Variants in LRRC71 observed in about 807,000 individuals in gnomAD.
LRRC71 encodes the protein leucine-rich repeat-containing protein 71.
In LRRC71, 54 loss-of-function variants were observed where a neutral mutation model predicts 66.6. That is an observed-to-expected ratio of 0.81 (90% CI 0.65 to 1.02). The LOEUF (loss-of-function observed/expected upper bound fraction) is 1.02. Ranked by LOEUF, LRRC71 falls within the 50% of genes least tolerant of loss-of-function variation. LRRC71 has a pLI of 0.00. For synonymous variants in LRRC71, 323 were observed against 303.9 expected, an observed-to-expected ratio of 1.06 and a Z score of -0.65; for missense variants, 724 against 718.0, an observed-to-expected ratio of 1.01 and a Z score of -0.10.
At chr1:156,927,441 G>A (rs1653376206) in intron 6 of LRRC71, 55 bp from the exon 7 acceptor site, 2 of 1,520,196 alleles carry the variant, frequency 1.3e-6, no homozygotes, top group East Asian at 2.3e-5. Flanking sequence ...CCCATATTCC[G>A]GCGGACGCCC....
intron 11 of LRRC71, among the ~76,000 whole-genome samples, chr1:156,930,064 C>A (rs868012601): frequency 1.0e-5 from 1 of 95,558 alleles, no homozygotes; most frequent in Non-Finnish European, 2.1e-5. Flanking sequence ...CTTTCTTTTT[C>A]TTTCTTTCTT....
At chr1:156,938,627 T>C in the LRRC71 span, 3 of 913,610 alleles carry the variant, frequency 3.3e-6, no homozygotes, top group African/African-American at 3.4e-5. Flanking sequence ...GAGGAGAAAA[T>C]GGGAAGAACA....
chr1:156,932,733 T>G, intron 14 of LRRC71, 120 bp from the exon 15 acceptor site: 2 of 1,502,406 alleles, frequency 1.3e-6, no homozygotes, highest in Non-Finnish European at 1.8e-6. Flanking sequence ...TTAATCACTC[T>G]GCTTTTTCTG....
At chr1:156,936,035 T>G (rs774194883), downstream of LRRC71, 2 of 1,613,990 alleles carry the variant, frequency 1.2e-6, no homozygotes, top group South Asian at 2.2e-5. Flanking sequence ...TCTGCTGTGC[T>G]GTCTTCCAGG....
At position 156,928,013 on chromosome 1, in the gene LRRC71, C is replaced by T. The variant is rs1250556952; in HGVS notation, c.996+9C>T. 5.7e-6 allele frequency: 9 copies of T among 1,584,590 alleles called. No homozygotes were observed. The highest frequency in any genetic ancestry group is 7.7e-6 in the Non-Finnish European group (9 of 1,167,156). Reference sequence around the variant, plus strand: ...AGGAGCGCTCGCGATCGGTGAGGAGCTACCAGGCCCCAGGACCAGCCGAGA... The same window carrying T: ...AGGAGCGCTCGCGATCGGTGAGGAGTTACCAGGCCCCAGGACCAGCCGAGA... On this transcript the variant is annotated intron_variant, in intron 9 of 14. Coordinates refer to ENST00000337428, the MANE Select transcript of LRRC71 (RefSeq NM_144702.3).
rs763012031 is a variant in LRRC71 at position 156,927,649 on chromosome 1, C to A, written c.816C>A (p.Ile272=). 6.2e-7 allele frequency: 1 copy of A among 1,606,550 alleles called. No individual in the cohort carries two copies. The highest frequency in any genetic ancestry group is 1.1e-5 in the South Asian group (1 of 90,482). ...TCGGTGACGAGGGCGCAGGCTACAT[C>A]GCGGACGTGAGTGCACGGCGGGGAG... The part of the protein sequence containing the change: ...NHIGDEGAGY[I]ADGLRLNRSL... Residue 272 remains isoleucine (I), a synonymous_variant, in exon 7 of 15, where the codon ATC becomes ATA. Transcript: ENST00000337428.
In LRRC71 at chr1:156,927,800, C is replaced by A. The variant is rs781069230; in HGVS notation, c.890C>A (p.Ala297Asp). ...CACAACCGCATCCAGGACAAGGGCGCCCTGAAGCTGGCTGAGGTGGGTGTG... is the reference window on the plus strand; with the variant it reads ...CACAACCGCATCCAGGACAAGGGCGACCTGAAGCTGGCTGAGGTGGGTGTG... ...LAHNRIQDKG[A>D]LKLAEVLRAF... Residue 297 changes from alanine to aspartate, a missense_variant, in exon 8 of 15, where the codon GCC becomes GAC. Ala to Asp is a moderately radical substitution (Grantham distance 126). Coordinates refer to ENST00000337428, the MANE Select transcript of LRRC71 (RefSeq NM_144702.3). 1.2e-6 allele frequency: 2 copies of A among 1,613,350 alleles called. No individual in the cohort carries two copies. The highest frequency in any genetic ancestry group is 3.3e-5 in the Admixed American group (2 of 60,018).
chr1:156,930,291 C>T (rs1485774355), intron 11 of LRRC71, among the ~76,000 whole-genome samples: 9 of 151,722 alleles, frequency 5.9e-5, no homozygotes, highest in Non-Finnish European at 1.3e-4. Flanking sequence ...TGGGGCTTCA[C>T]CATGTTGGCC....
At chr1:156,921,755 A>C (rs1160375618) in intron 1 of LRRC71, 8 of 567,534 alleles carry the variant, frequency 1.4e-5, no homozygotes, top group Non-Finnish European at 1.6e-5. Flanking sequence ...ACACACACAC[A>C]CACACACAGA....
Position 156,929,725 on chromosome 1 carries a change from G to A in LRRC71, c.1236G>A (p.Lys412=). The change falls in exon 11 of 15, where the codon AAG becomes AAA. Residue 412 remains lysine, a synonymous_variant. Coordinates refer to ENST00000337428, the MANE Select transcript of LRRC71 (RefSeq NM_144702.3). ...PKKEDATKAG[K]GKVTIPEQKP... ...AGGAAGATGCCACAAAGGCAGGCAA[G>A]GGGAGTAAGTGCGGGTGCCCCTGGG... The A allele has an allele frequency of 6.4e-7, 1 of 1,563,104 alleles. No individual in the cohort carries two copies. The highest frequency in any genetic ancestry group is 8.7e-7 in the Non-Finnish European group (1 of 1,153,992).
intron 9 of LRRC71, among the ~76,000 whole-genome samples, chr1:156,928,363 C>CTCCTTCTTCTTCT (rs1440279180): frequency 2.0e-5 from 2 of 98,784 alleles, no homozygotes; most frequent in Admixed American, 1.1e-4. Context: ...CTTCTTCTTC[C>CTCCTTCTTCTTCT]TCTTCTTCTT....
chr1:156,924,782 G>A, intron 4 of LRRC71, 64 bp downstream of exon 4: 1 of 1,536,936 alleles, frequency 6.5e-7, no homozygotes, highest in Non-Finnish European at 8.8e-7. Context: ...GGTGGCTTGG[G>A]AGAGAGAACC....
chr1:156,925,130 T>C, intron 5 of LRRC71, 115 bp downstream of exon 5: 1 of 948,038 alleles, frequency 1.1e-6, no homozygotes, highest in East Asian at 2.6e-5. Flanking sequence ...CTGCCTGGCA[T>C]CCCTGTGGAA....
the LRRC71 span, chr1:156,940,404 AC>A: frequency 6.2e-7 from 1 of 1,607,724 alleles, no homozygotes; most frequent in African/African-American, 1.3e-5. Flanking sequence ...CTTCCCTTGG[AC>A]CCTCTGCTGG....
At chr1:156,928,095 A>G (rs1376957591) in intron 9 of LRRC71, 91 bp downstream of exon 9, 1 of 1,155,622 alleles carries the variant, frequency 8.7e-7, no homozygotes, top group Non-Finnish European at 1.3e-6. Flanking sequence ...CAAACTGGCC[A>G]TCCAGTTTAA....
downstream of LRRC71, among the ~76,000 whole-genome samples, chr1:156,938,075 C>T (rs187390630): frequency 1.1e-4 from 17 of 152,290 alleles, no homozygotes; most frequent in African/African-American, 3.6e-4. Context: ...GACACTGGAG[C>T]GGCGGCTGAG....
At chr1:156,921,774 C>T in intron 1 of LRRC71, 1 of 501,198 alleles carries the variant, frequency 2.0e-6, no homozygotes, top group Non-Finnish European at 2.6e-6. Flanking sequence ...GACATGGCTG[C>T]TGTATAGAAT....
the LRRC71 span, chr1:156,940,342 C>T: frequency 1.2e-5 from 19 of 1,613,808 alleles, 1 homozygote; most frequent in South Asian, 2.0e-4. Context: ...ACACCCAGTT[C>T]CTCTTCCTCT....
intron 13 of LRRC71, 22 bp downstream of exon 13, chr1:156,932,049 GTCC>G (rs754410799): frequency 1.2e-4 from 179 of 1,553,814 alleles, no homozygotes; most frequent in Non-Finnish European, 1.5e-4. Flanking sequence ...AACCTCCCCT[GTCC>G]TCCTGTCATG....
Sources: gnomAD v4.1 joint callset for allele counts (sites outside exome capture counted in the v4.1 genomes callset) on GRCh38, gnomAD v4.1.1 for gene constraint, MANE v1.5 for transcripts, NCBI Gene and HGNC (gene_info 2026-07-23, HGNC 2026-07-21) for gene names.